PBX1: variants seen among roughly 807,000 people sequenced by gnomAD.
PBX1 encodes the protein pre-B-cell leukemia transcription factor 1.
In PBX1, 6 loss-of-function variants were observed where a neutral mutation model predicts 53.4. That is an observed-to-expected ratio of 0.11 (90% CI 0.06 to 0.22). The LOEUF (loss-of-function observed/expected upper bound fraction) is 0.22. PBX1 is among the 10% of genes least tolerant of loss of function. The pLI, the probability that PBX1 is intolerant of heterozygous loss-of-function variation, is 1.00. For missense variants in PBX1, 251 were observed against 551.4 expected, an observed-to-expected ratio of 0.46 and a Z score of 5.46; for synonymous variants, 204 against 212.3, an observed-to-expected ratio of 0.96 and a Z score of 0.34.
intron 2 of PBX1, among the ~76,000 whole-genome samples, chr1:164,580,047 C>T (rs1439103046): frequency 6.6e-6 from 1 of 152,054 alleles, no homozygotes; most frequent in African/African-American, 2.4e-5. Flanking sequence ...GAGTGACAGC[C>T]CATCAAATTG....
chr1:164,615,785 A>G (rs1657237982), intron 2 of PBX1, among the ~76,000 whole-genome samples: 1 of 152,188 alleles, frequency 6.6e-6, no homozygotes, highest in African/African-American at 2.4e-5. Context: ...AGACAGTTAC[A>G]AATGAACTGT....
At chr1:164,776,899 TTGTG>T (rs368787176) in intron 2 of PBX1, among the ~76,000 whole-genome samples, 6,392 of 96,874 alleles carry the variant, frequency 0.066, 316 homozygotes, top group East Asian at 0.17. Context: ...GGTTTTACAT[TTGTG>T]TGTGTGTGTG....
intron 2 of PBX1, among the ~76,000 whole-genome samples, chr1:164,635,622 A>C (rs1242033492): frequency 1.3e-5 from 2 of 152,142 alleles, no homozygotes; most frequent in African/African-American, 4.8e-5. Context: ...CCCTCCATCC[A>C]GCCTCGCCAT....
intron 2 of PBX1, among the ~76,000 whole-genome samples, chr1:164,769,681 C>T (rs1311268048): frequency 6.6e-6 from 1 of 152,108 alleles, no homozygotes; most frequent in Non-Finnish European, 1.5e-5. Context: ...TACTGTGGCA[C>T]CAAATCATTT....
At chr1:164,589,154 G>C (rs1017646117) in intron 2 of PBX1, among the ~76,000 whole-genome samples, 2 of 152,100 alleles carry the variant, frequency 1.3e-5, no homozygotes, top group African/African-American at 4.8e-5. Context: ...GAGGGGCAGT[G>C]GGGGAGGGAG....
chr1:164,567,837 G>A (rs975882885), intron 2 of PBX1, among the ~76,000 whole-genome samples: 5 of 152,274 alleles, frequency 3.3e-5, no homozygotes, highest in African/African-American at 1.2e-4. Context: ...GTGTCTGTGA[G>A]GATTGGACAT....
chr1:164,628,817 A>G (rs1658217634), intron 2 of PBX1, among the ~76,000 whole-genome samples: 1 of 152,076 alleles, frequency 6.6e-6, no homozygotes, highest in African/African-American at 2.4e-5. Flanking sequence ...CTCACGAGTG[A>G]GCTATACAGG....
At chr1:164,803,419 C>T (rs982769322) in intron 4 of PBX1, among the ~76,000 whole-genome samples, 3 of 152,192 alleles carry the variant, frequency 2.0e-5, no homozygotes, top group African/African-American at 4.8e-5. Flanking sequence ...AATTCTACTT[C>T]AGCAAGCATT....
rs572915814 is a variant in PBX1, at chr1:164,753,867, G to A, written c.266-38627G>A. Among the ~76,000 whole-genome samples, 54 of 152,294 alleles carry A rather than the reference G, an allele frequency of 3.5e-4. No homozygotes were observed. In the East Asian group the frequency reaches 6.2e-3, roughly 17 times the overall value. On this transcript the variant is annotated intron_variant, in intron 2 of 8. Transcript: ENST00000420696. ...GATAAAGGCTCTCAGTGTTGGAAAC[G>A]GGAATGATGCAGTTGAGCAGTTGCC...
intron 2 of PBX1, among the ~76,000 whole-genome samples, chr1:164,743,011 G>T (rs955922512): frequency 5.3e-5 from 8 of 152,134 alleles, no homozygotes; most frequent in African/African-American, 1.9e-4. Context: ...GCTGAAATGG[G>T]GTCAGTTCCT....
downstream of PBX1, among the ~76,000 whole-genome samples, chr1:164,854,745 G>A (rs1163569052): frequency 6.6e-6 from 1 of 152,076 alleles, no homozygotes; most frequent in Non-Finnish European, 1.5e-5. Flanking sequence ...ATTCTTTGGA[G>A]AATCATTGTC....
At chr1:164,570,674 G>T (rs568049765) in intron 2 of PBX1, among the ~76,000 whole-genome samples, 17 of 152,306 alleles carry the variant, frequency 1.1e-4, no homozygotes, top group Admixed American at 9.8e-4. Flanking sequence ...ACATATGTGT[G>T]CATGTGTCTT....
At chr1:164,768,672 C>T (rs1277698617) in intron 2 of PBX1, among the ~76,000 whole-genome samples, 4 of 152,212 alleles carry the variant, frequency 2.6e-5, no homozygotes, top group Non-Finnish European at 5.9e-5. Flanking sequence ...AGAAGCATAT[C>T]ATCTCTTTCT....
chr1:164,870,277 CT>C (rs1402602848), intron 2 of PBX1, among the ~76,000 whole-genome samples: 7 of 19,382 alleles, frequency 3.6e-4, no homozygotes, highest in African/African-American at 9.2e-4. Context: ...TTCTTTCTTT[CT>C]TTCTTTCTTT....
intron 2 of PBX1, among the ~76,000 whole-genome samples, chr1:164,870,283 T>TTC (rs1672336014): frequency 4.0e-5 from 1 of 25,276 alleles, no homozygotes; most frequent in Non-Finnish European, 8.3e-5. Context: ...CTTTCTTTCT[T>TTC]TCTTTCTTTC....
chr1:164,856,346 CAA>C (rs543587431), downstream of PBX1, among the ~76,000 whole-genome samples: 37 of 152,172 alleles, frequency 2.4e-4, no homozygotes, highest in Non-Finnish European at 4.6e-4. Context: ...GCAGAGCCTG[CAA>C]GGTTTAAAAT....
At chr1:164,750,811 G>A (rs1041354369) in intron 2 of PBX1, among the ~76,000 whole-genome samples, 1 of 152,184 alleles carries the variant, frequency 6.6e-6, no homozygotes, top group African/African-American at 2.4e-5. Context: ...GTGACTTGTA[G>A]GCAGTGGCTT....
At chr1:164,869,555 C>A (rs1163774551) in intron 2 of PBX1, among the ~76,000 whole-genome samples, 1 of 152,166 alleles carries the variant, frequency 6.6e-6, no homozygotes, top group African/African-American at 2.4e-5. Flanking sequence ...TTACCGAGCA[C>A]CTTCTATGTG....
intron 2 of PBX1, among the ~76,000 whole-genome samples, chr1:164,571,239 T>C (rs561491129): frequency 2.0e-5 from 3 of 152,328 alleles, no homozygotes; most frequent in Admixed American, 6.5e-5. Flanking sequence ...TGGCTTTTAG[T>C]GTATTGACAA....
Sources: gnomAD v4.1 joint callset for allele counts (sites outside exome capture counted in the v4.1 genomes callset) on GRCh38, gnomAD v4.1.1 for gene constraint, MANE v1.5 for transcripts, NCBI Gene and HGNC (gene_info 2026-07-23, HGNC 2026-07-21) for gene names.